Variants in PACRG observed in about 807,000 individuals in gnomAD.
PACRG encodes the protein parkin coregulated.
PACRG carries 29 observed loss-of-function variants against 29.7 expected under a neutral mutation model. The observed-to-expected ratio is 0.98, with a 90% CI of 0.73 to 1.33. The LOEUF is 1.33. PACRG is among the 40% of genes most tolerant of loss of function. PACRG has a pLI of 0.00. For synonymous variants in PACRG, 116 were observed against 118.7 expected (o/e 0.98, Z 0.15); for missense variants, 279 against 316.2 (o/e 0.88, Z 0.89).
intron 4 of PACRG, among the ~76,000 whole-genome samples, chr6:163,303,028 C>T (rs974225150): frequency 6.6e-6 from 1 of 152,148 alleles, no homozygotes; most frequent in African/African-American, 2.4e-5. Flanking sequence ...TTGCTGATAA[C>T]ATTTATTAGA....
In PACRG at chr6:162,796,917, G is replaced by A. The variant is rs984441722; in HGVS notation, c.157-17230G>A. The stretch of plus-strand genomic sequence containing the variant: ...GTCCTTTCCTGAGAGTCTCAAGCTT[G>A]TCTCCAAAGAGTTTCCTCAAGAGTG... On this transcript the variant is annotated intron_variant, in intron 1 of 4. Coordinates refer to ENST00000366888, the MANE Select transcript of PACRG (RefSeq NM_001080379.2). Among the ~76,000 whole-genome samples, 5 of 152,286 alleles carry A rather than the reference G, an allele frequency of 3.3e-5. 1 individual carries two copies. The South Asian group carries it at 1.0e-3, about 32-fold the overall frequency.
At chr6:162,938,528 G>T (rs968812153) in intron 2 of PACRG, among the ~76,000 whole-genome samples, 1 of 152,092 alleles carries the variant, frequency 6.6e-6, no homozygotes, top group African/African-American at 2.4e-5. Context: ...TAGTGGGATT[G>T]CTGGATCAAA....
At chr6:163,225,789 G>A (rs1781769387) in intron 4 of PACRG, among the ~76,000 whole-genome samples, 1 of 152,188 alleles carries the variant, frequency 6.6e-6, no homozygotes. Flanking sequence ...ATTCACAGTA[G>A]CCAAGACATG....
At chr6:163,209,718 C>T (rs955637990) in intron 4 of PACRG, among the ~76,000 whole-genome samples, 3 of 152,148 alleles carry the variant, frequency 2.0e-5, no homozygotes, top group Non-Finnish European at 2.9e-5. Context: ...ATATCCAAGC[C>T]ATAATTTGAT....
At chr6:163,197,962 A>G (rs1303586477) in intron 4 of PACRG, among the ~76,000 whole-genome samples, 1 of 152,228 alleles carries the variant, frequency 6.6e-6, no homozygotes, top group African/African-American at 2.4e-5. Flanking sequence ...TGAAACTTAC[A>G]AGGCAGTACA....
chr6:162,814,137 T>C lies in PACRG; in HGVS notation c.157-10T>C, dbSNP rs62428960. 2 of 1,592,562 alleles carry C rather than the reference T, an allele frequency of 1.3e-6. No individual in the cohort carries two copies. The highest frequency in any genetic ancestry group is 1.7e-6 in the Non-Finnish European group (2 of 1,171,978). On this transcript the variant is annotated splice_polypyrimidine_tract_variant and intron_variant, in intron 1 of 4. Transcript: ENST00000366888. ...AAAACCTGATCCCTATTTTTTTTTT[T>C]CCAATTAAGGTGAGAGGCCCTCCAG...
chr6:162,901,096 C>T (rs1006801549), intron 2 of PACRG, among the ~76,000 whole-genome samples: 2 of 152,036 alleles, frequency 1.3e-5, no homozygotes, highest in African/African-American at 4.8e-5. Context: ...TTTAACCTGG[C>T]ACATAAAAGA....
At position 162,967,607 on chromosome 6, in the gene PACRG, C is replaced by T. The variant is rs199784182; in HGVS notation, c.292-94543C>T. On this transcript the variant is annotated intron_variant, in intron 2 of 4. Coordinates refer to ENST00000366888, the MANE Select transcript of PACRG (RefSeq NM_001080379.2). ...CTGCAAGCTCCGCCTCCCGGTTTCA[C>T]GCCATTCTCCTGCCTCAGCCTCCCA... Among the ~76,000 whole-genome samples, 652 of 151,574 alleles carry T rather than the reference C, an allele frequency of 4.3e-3. 6 individuals are homozygous for T. The highest frequency in any genetic ancestry group is 0.015 in the African/African-American group (618 of 41,312).
At chr6:163,208,170 C>T (rs1235488860) in intron 4 of PACRG, among the ~76,000 whole-genome samples, 1 of 152,208 alleles carries the variant, frequency 6.6e-6, no homozygotes, top group African/African-American at 2.4e-5. Context: ...TTATATTGCA[C>T]AATCGAGTCC....
At chr6:162,844,184 C>T (rs1187525465) in intron 2 of PACRG, among the ~76,000 whole-genome samples, 1 of 149,372 alleles carries the variant, frequency 6.7e-6, no homozygotes, top group Non-Finnish European at 1.5e-5. Flanking sequence ...ATGGCGGGCG[C>T]CCCTCCCCCA....
In PACRG at chr6:162,862,141, G is replaced by T. The variant is rs149198403; in HGVS notation, c.291+47860G>T. On this transcript the variant is annotated intron_variant, in intron 2 of 4. Transcript: ENST00000366888. ...AGTCCACGGGAACTCAGAGGACTGA[G>T]GAGGTGACTCAAAAGTTTGGAAGGT... Among the ~76,000 whole-genome samples, 13 of 152,316 alleles carry T rather than the reference G, an allele frequency of 8.5e-5. No individual in the cohort carries two copies. The East Asian group carries it at 2.5e-3, about 29-fold the overall frequency.
chr6:162,945,077 CT>C (rs1025313434), intron 2 of PACRG, among the ~76,000 whole-genome samples: 97 of 151,618 alleles, frequency 6.4e-4, no homozygotes, highest in African/African-American at 2.2e-3. Context: ...AACAACAATG[CT>C]AAACATTAAC....
intron 4 of PACRG, among the ~76,000 whole-genome samples, chr6:163,258,552 T>A (rs1314647087): frequency 6.6e-6 from 1 of 152,014 alleles, no homozygotes; most frequent in African/African-American, 2.4e-5. Flanking sequence ...GGTCAGGAGA[T>A]CGAAACCATC....
intron 4 of PACRG, among the ~76,000 whole-genome samples, chr6:163,267,535 G>T (rs13198111): frequency 0.24 from 36,801 of 152,136 alleles, 4,829 homozygotes; most frequent in Middle Eastern, 0.33. Context: ...TATCAAACAT[G>T]TAAAAAGTAC....
At chr6:162,968,484 A>G (rs1761912594) in intron 2 of PACRG, among the ~76,000 whole-genome samples, 1 of 152,206 alleles carries the variant, frequency 6.6e-6, no homozygotes, top group Non-Finnish European at 1.5e-5. Flanking sequence ...AGCAAGAACA[A>G]AACAGCATTT....
At chr6:163,100,218 C>T (rs1814974776) in intron 4 of PACRG, among the ~76,000 whole-genome samples, 1 of 152,116 alleles carries the variant, frequency 6.6e-6, no homozygotes, top group Non-Finnish European at 1.5e-5. Flanking sequence ...CTGCATTCGC[C>T]TCAGCCTCTC....
chr6:163,135,257 C>G (rs1302696259), intron 4 of PACRG, among the ~76,000 whole-genome samples: 3 of 151,432 alleles, frequency 2.0e-5, no homozygotes, highest in Non-Finnish European at 4.4e-5. Context: ...GGCACAATCT[C>G]GGCTCACTGC....
chr6:162,821,674 C>T (rs966269506), intron 2 of PACRG, among the ~76,000 whole-genome samples: 1 of 152,106 alleles, frequency 6.6e-6, no homozygotes. Context: ...TTTTTAAACA[C>T]AAAATATGTG....
At chr6:163,214,722 T>C (rs1781294432) in intron 4 of PACRG, among the ~76,000 whole-genome samples, 1 of 152,110 alleles carries the variant, frequency 6.6e-6, no homozygotes, top group African/African-American at 2.4e-5. Flanking sequence ...TCTCTTTATG[T>C]TTTCAGGTTG....
Sources: gnomAD v4.1 joint callset for allele counts (sites outside exome capture counted in the v4.1 genomes callset) on GRCh38, gnomAD v4.1.1 for gene constraint, MANE v1.5 for transcripts, NCBI Gene and HGNC (gene_info 2026-07-23, HGNC 2026-07-21) for gene names.